ATG10: variants seen among roughly 807,000 people sequenced by gnomAD.
The protein encoded by ATG10 is autophagy related 10.
In ATG10, 30 loss-of-function variants were observed where a neutral mutation model predicts 32.1. The ratio of observed to expected loss-of-function variants is 0.94; its 90% confidence interval spans 0.70 to 1.27. ATG10 has a LOEUF of 1.27. Ranked by LOEUF, ATG10 falls within the 50% of genes most tolerant of loss-of-function variation. The pLI is 0.00. For synonymous variants in ATG10, 87 were observed against 91.5 expected, an observed-to-expected ratio of 0.95 and a Z score of 0.28; for missense variants, 233 against 262.3, an observed-to-expected ratio of 0.89 and a Z score of 0.77.
At chr5:82,061,792 ACG>A (rs377629018) in intron 3 of ATG10, among the ~76,000 whole-genome samples, 2 of 134,740 alleles carry the variant, frequency 1.5e-5, no homozygotes, top group Non-Finnish European at 3.2e-5. Flanking sequence ...ATATATATAT[ACG>A]TATACATACA....
intron 2 of ATG10, among the ~76,000 whole-genome samples, chr5:82,047,114 A>G (rs1256160051): frequency 2.0e-5 from 3 of 152,096 alleles, no homozygotes; most frequent in African/African-American, 7.2e-5. Flanking sequence ...GAACAAAGAG[A>G]GAAAAAAAAT....
At chr5:82,087,710 C>T (rs1047276506) in intron 3 of ATG10, among the ~76,000 whole-genome samples, 9 of 152,092 alleles carry the variant, frequency 5.9e-5, no homozygotes, top group East Asian at 1.9e-4. Flanking sequence ...AATACTTTGC[C>T]TTCCTCTGGC....
chr5:82,123,764 CAAA>C (rs1178883742), intron 3 of ATG10, among the ~76,000 whole-genome samples: 2 of 56,814 alleles, frequency 3.5e-5, no homozygotes, highest in Admixed American at 2.3e-4. Context: ...ACTGTCTGTA[CAAA>C]AAAAAAAAAA....
chr5:82,190,761 G>T (rs1488634704), intron 5 of ATG10, among the ~76,000 whole-genome samples: 1 of 104,266 alleles, frequency 9.6e-6, no homozygotes, highest in Non-Finnish European at 1.8e-5. Flanking sequence ...GCAACAGAGT[G>T]AGACTCCATC....
chr5:82,036,801 G>A (rs1762937487), intron 2 of ATG10, among the ~76,000 whole-genome samples: 1 of 151,780 alleles, frequency 6.6e-6, no homozygotes, highest in African/African-American at 2.4e-5. Context: ...TATTTTCCTG[G>A]ATATTTGACA....
intron 5 of ATG10, among the ~76,000 whole-genome samples, chr5:82,186,931 C>T (rs527945976): frequency 6.6e-6 from 1 of 152,230 alleles, no homozygotes; most frequent in Non-Finnish European, 1.5e-5. Context: ...ATTCATACTC[C>T]ATTGTGCTTT....
At chr5:82,020,193 C>T (rs1250994097) in intron 2 of ATG10, among the ~76,000 whole-genome samples, 1 of 152,148 alleles carries the variant, frequency 6.6e-6, no homozygotes, top group Non-Finnish European at 1.5e-5. Flanking sequence ...GCCATGGGCT[C>T]CTAGAAGTAG....
intron 5 of ATG10, among the ~76,000 whole-genome samples, chr5:82,183,326 CTTTT>C (rs200711063): frequency 6.6e-6 from 1 of 150,822 alleles, no homozygotes; most frequent in South Asian, 2.1e-4. Context: ...TCCTCCATCT[CTTTT>C]TTTTTCCTGG....
At chr5:81,978,730 A>G (rs1232048076) in intron 1 of ATG10, among the ~76,000 whole-genome samples, 1 of 152,096 alleles carries the variant, frequency 6.6e-6, no homozygotes, top group East Asian at 1.9e-4. Flanking sequence ...TCACGGTCAT[A>G]GCTCACTGCA....
chr5:82,031,592 G>A (rs1370870829), intron 2 of ATG10, among the ~76,000 whole-genome samples: 1 of 152,316 alleles, frequency 6.6e-6, no homozygotes, highest in Non-Finnish European at 1.5e-5. Flanking sequence ...ATTATAATGT[G>A]AAAAAACACA....
At chr5:82,020,161 T>C (rs1762397609) in intron 2 of ATG10, among the ~76,000 whole-genome samples, 2 of 152,210 alleles carry the variant, frequency 1.3e-5, no homozygotes, top group African/African-American at 4.8e-5. Context: ...AACCAGTCGA[T>C]GTCCCTCCTT....
chr5:82,165,416 A>AT (rs1743535229), intron 4 of ATG10, among the ~76,000 whole-genome samples: 1 of 152,218 alleles, frequency 6.6e-6, no homozygotes, highest in Non-Finnish European at 1.5e-5. Context: ...AGCTGCTTGA[A>AT]TGTATGTTTG....
chr5:81,994,317 C>G (rs1355719524), intron 2 of ATG10, among the ~76,000 whole-genome samples: 4 of 152,162 alleles, frequency 2.6e-5, no homozygotes, highest in Non-Finnish European at 5.9e-5. Context: ...CATTTCCTTT[C>G]ACGCTGTCTC....
At chr5:82,058,653 T>A in intron 3 of ATG10, 51 bp downstream of exon 3, 1 of 1,263,090 alleles carries the variant, frequency 7.9e-7, no homozygotes, top group East Asian at 2.4e-5. Flanking sequence ...AAGTATACAT[T>A]TAAAAATGTA....
chr5:82,174,486 C>A (rs1420456255), intron 4 of ATG10, among the ~76,000 whole-genome samples: 1 of 152,094 alleles, frequency 6.6e-6, no homozygotes, highest in East Asian at 1.9e-4. Context: ...AAGATGGTTA[C>A]TTATTAAAGG....
At chr5:82,127,125 A>G (rs1282671713) in intron 3 of ATG10, among the ~76,000 whole-genome samples, 1 of 151,960 alleles carries the variant, frequency 6.6e-6, no homozygotes, top group Non-Finnish European at 1.5e-5. Flanking sequence ...ATTGGTGGTG[A>G]TCTCCTCTTT....
intron 3 of ATG10, among the ~76,000 whole-genome samples, chr5:82,101,092 C>A (rs1765255835): frequency 6.6e-6 from 1 of 152,120 alleles, no homozygotes; most frequent in Admixed American, 6.5e-5. Flanking sequence ...ATATTAAAAA[C>A]TTATCCATAG....
At chr5:82,182,554 A>G (rs560644669) in intron 5 of ATG10, among the ~76,000 whole-genome samples, 3 of 152,164 alleles carry the variant, frequency 2.0e-5, no homozygotes, top group Non-Finnish European at 4.4e-5. Context: ...GGGACCAATT[A>G]TTGATATACT....
chr5:82,101,812 AC>A (rs1291338064), intron 3 of ATG10, among the ~76,000 whole-genome samples: 1 of 152,180 alleles, frequency 6.6e-6, no homozygotes, highest in Non-Finnish European at 1.5e-5. Flanking sequence ...ATTTCAATAT[AC>A]CTATGCAGAA....
Sources: gnomAD v4.1 joint callset for allele counts (sites outside exome capture counted in the v4.1 genomes callset) on GRCh38, gnomAD v4.1.1 for gene constraint, MANE v1.5 for transcripts, NCBI Gene and HGNC (gene_info 2026-07-23, HGNC 2026-07-21) for gene names.